Variants in ZCCHC14 observed in about 807,000 individuals in gnomAD.
ZCCHC14 encodes zinc finger CCHC-type containing 14.
In ZCCHC14, 16 loss-of-function variants were observed where a neutral mutation model predicts 85.0. The observed-to-expected ratio is 0.19, with a 90% confidence interval of 0.13 to 0.29. ZCCHC14 has a LOEUF of 0.29. Among genes scored for constraint, ZCCHC14 ranks in the 10% least tolerant of loss-of-function variants. The probability of loss-of-function intolerance (pLI) is 1.00; values close to 1 mark genes in which losing one functional copy is unlikely to be tolerated. For synonymous variants in ZCCHC14, 775 were observed against 630.7 expected, an observed-to-expected ratio of 1.23 and a Z score of -3.43; for missense variants, 1,303 against 1,443.5, an observed-to-expected ratio of 0.90 and a Z score of 1.58.
intron 2 of ZCCHC14, among the ~76,000 whole-genome samples, chr16:87,450,019 C>G (rs918320717): frequency 6.6e-6 from 1 of 152,188 alleles, no homozygotes; most frequent in African/African-American, 2.4e-5. Context: ...TGCACTGCAG[C>G]CTGGGCAACA....
At chr16:87,425,412 A>G (rs1011022373) in intron 3 of ZCCHC14, among the ~76,000 whole-genome samples, 1 of 152,100 alleles carries the variant, frequency 6.6e-6, no homozygotes, top group Non-Finnish European at 1.5e-5. Flanking sequence ...CCCCGTCTCT[A>G]CTAAAAATAC....
At chr16:87,414,274 G>A (rs1445923040) in intron 10 of ZCCHC14, 140 bp downstream of exon 10, 11 of 1,376,382 alleles carry the variant, frequency 8.0e-6, no homozygotes, top group African/African-American at 4.2e-5. Flanking sequence ...CCACCTGCCC[G>A]GCACACGGGC....
At chr16:87,449,416 C>T (rs1445448365) in intron 2 of ZCCHC14, among the ~76,000 whole-genome samples, 1 of 151,982 alleles carries the variant, frequency 6.6e-6, no homozygotes, top group African/African-American at 2.4e-5. Context: ...TTCCTGGGCT[C>T]CTAGGCCCTC....
rs1204891607 is a variant in ZCCHC14, at chr16:87,492,011, G to A, written c.228C>T (p.Thr76=). ...ANNPADLGSL[T]NLTDEVVRSK... ...TGCGCACCACCTCGTCCGTCAGGTT[G>A]GTGAGGCTGCCCAGGTCGGCCGGGT... is the stretch of plus-strand genomic sequence containing the variant. Residue 76 remains threonine, a synonymous_variant, in exon 1 of 13, where the codon ACC becomes ACT. Coordinates refer to ENST00000671377, the MANE Select transcript of ZCCHC14 (RefSeq NM_015144.3). This position sits in a 1 kb window ranked among gnomAD's most constrained non-coding sequence, Gnocchi z 6.7. 7 of 1,394,664 alleles carry A rather than the reference G, an allele frequency of 5.0e-6. No individual in the cohort carries two copies. Among genetic ancestry groups the A allele is most frequent in the East Asian group, 3.0e-5 (1 of 32,888 alleles). The allele number at this position is 1,394,664 out of a possible 1,614,324, so 86.4% of individuals were successfully genotyped here.
chr16:87,432,265 G>A (rs551655723), intron 3 of ZCCHC14, among the ~76,000 whole-genome samples: 12 of 152,270 alleles, frequency 7.9e-5, no homozygotes, highest in African/African-American at 2.4e-4. Context: ...AGCCCTGACT[G>A]GGAGCTCGGC....
In ZCCHC14 at chr16:87,420,044, C is replaced by T. The variant is rs552971111; in HGVS notation, c.951-167G>A. 1.3e-5 allele frequency among the ~76,000 whole-genome samples: 2 copies of T among 152,310 alleles called. No homozygotes were observed. Among genetic ancestry groups the T allele is most frequent in the South Asian group, 2.1e-4 (1 of 4,824 alleles). ...GCTTTAATTCAACTGAGTTCTTGCC[C>T]GACTGCCACTGCTTCTTCAAGCCCT... On this transcript the variant is annotated intron_variant, in intron 5 of 12. Transcript: ENST00000671377. The surrounding 1 kb of genome is among the most constrained non-coding windows in gnomAD (Gnocchi z 5.0).
rs761880172 is a variant in ZCCHC14 at position 87,412,672 on chromosome 16, T to C, written c.2049A>G (p.Arg683=). The C allele has an allele frequency of 6.8e-6, 11 of 1,614,100 alleles. No homozygotes were observed. The African/African-American group carries it at 1.3e-4, about 20-fold the overall frequency. Residue 683 remains arginine (R), a synonymous_variant, in exon 12 of 13, where the codon AGA becomes AGG. Transcript: ENST00000671377. ...AGCTCTTGTCCACTTTCATGCTGCT[T>C]CTTGGTCCAGATCCTTTATTCCTTT... is the stretch of plus-strand genomic sequence containing the variant. ...LEERNKGSGP[R]SSMKVDKSFG... is the part of the protein sequence containing the mutation.
At chr16:87,480,386 G>A (rs1202857558) in intron 1 of ZCCHC14, among the ~76,000 whole-genome samples, 1 of 152,052 alleles carries the variant, frequency 6.6e-6, no homozygotes, top group African/African-American at 2.4e-5. Context: ...CTGGGCGACA[G>A]AGCGAGACAC....
intron 4 of ZCCHC14, among the ~76,000 whole-genome samples, chr16:87,423,250 G>T (rs1248426640): frequency 6.6e-6 from 1 of 152,182 alleles, no homozygotes; most frequent in Non-Finnish European, 1.5e-5. Flanking sequence ...CTGTTCAATG[G>T]TATCTGCTGA....
chr16:87,461,263 C>A (rs905121639), intron 1 of ZCCHC14, among the ~76,000 whole-genome samples: 1 of 152,204 alleles, frequency 6.6e-6, no homozygotes, highest in South Asian at 2.1e-4. Context: ...GGAAGGGGCC[C>A]AGAGGGGCGA....
At chr16:87,429,086 G>A (rs897276364) in intron 3 of ZCCHC14, among the ~76,000 whole-genome samples, 2 of 152,182 alleles carry the variant, frequency 1.3e-5, no homozygotes, top group African/African-American at 4.8e-5. Context: ...GAACTTACGG[G>A]TCATACTTTT....
chr16:87,464,249 G>A (rs1453465732), intron 1 of ZCCHC14, among the ~76,000 whole-genome samples: 1 of 152,166 alleles, frequency 6.6e-6, no homozygotes, highest in African/African-American at 2.4e-5. Flanking sequence ...AGTGCTTCTC[G>A]GCCTCGACAG....
chr16:87,413,304 A>G, intron 10 of ZCCHC14, 109 bp from the exon 11 acceptor site: 1 of 1,405,478 alleles, frequency 7.1e-7, no homozygotes, highest in African/African-American at 1.4e-5. Flanking sequence ...AGGGAAACGC[A>G]GGGCTCTGAG....
At chr16:87,438,626 G>A (rs1177124300) in intron 2 of ZCCHC14, among the ~76,000 whole-genome samples, 1 of 152,220 alleles carries the variant, frequency 6.6e-6, no homozygotes, top group Non-Finnish European at 1.5e-5. Flanking sequence ...AATCAAATAT[G>A]AATAAAAACA....
At chr16:87,415,889 T>C (rs1325866299) in intron 8 of ZCCHC14, among the ~76,000 whole-genome samples, 2 of 152,110 alleles carry the variant, frequency 1.3e-5, no homozygotes, top group African/African-American at 2.4e-5. Flanking sequence ...CTTCCTTTTT[T>C]TGAGACAAAA....
chr16:87,472,479 A>G (rs938437398), intron 1 of ZCCHC14: 1 of 152,422 alleles, frequency 6.6e-6, no homozygotes, highest in Non-Finnish European at 1.5e-5. Flanking sequence ...ACACGGCCCC[A>G]CAGAGCAGAC....
intron 1 of ZCCHC14, among the ~76,000 whole-genome samples, chr16:87,482,856 A>G (rs967308249): frequency 6.6e-6 from 1 of 152,208 alleles, no homozygotes; most frequent in African/African-American, 2.4e-5. Context: ...TAAAAAGAGA[A>G]TGACACAAGT....
At chr16:87,424,717 G>A (rs1269523686) in intron 3 of ZCCHC14, among the ~76,000 whole-genome samples, 4 of 152,078 alleles carry the variant, frequency 2.6e-5, no homozygotes, top group Non-Finnish European at 5.9e-5. Flanking sequence ...CACATTAGAG[G>A]GAGTTTCTGC....
intron 4 of ZCCHC14, among the ~76,000 whole-genome samples, chr16:87,422,579 AAAG>A (rs1909158229): frequency 6.6e-6 from 1 of 151,624 alleles, no homozygotes; most frequent in African/African-American, 2.4e-5. Flanking sequence ...AAAAAAAAAA[AAAG>A]AGAGAGAGCT....
Sources: allele counts gnomAD v4.1 joint callset (sites outside exome capture counted in the v4.1 genomes callset), GRCh38; gene constraint gnomAD v4.1.1; non-coding constraint Gnocchi (gnomAD v3.1); transcripts MANE v1.5; gene names NCBI Gene and HGNC (gene_info 2026-07-23, HGNC 2026-07-21).